Variants in DYM observed in about 807,000 individuals in gnomAD.
The protein encoded by DYM is dymeclin.
DYM carries 78 observed loss-of-function variants against 93.1 expected under a neutral mutation model. The observed-to-expected ratio is 0.84, with a 90% CI of 0.70 to 1.01. The LOEUF (loss-of-function observed/expected upper bound fraction) is 1.01, where lower values mean the gene tolerates loss of function less well. Ranked by LOEUF, DYM falls within the 50% of genes least tolerant of loss-of-function variation. The pLI is 0.00. For synonymous variants in DYM, 321 were observed against 319.7 expected (o/e 1.00, Z -0.04); for missense variants, 789 against 845.0 (o/e 0.93, Z 0.82).
intron 17 of DYM, among the ~76,000 whole-genome samples, chr18:49,080,632 C>CG (rs1486462614): frequency 7.1e-6 from 1 of 140,774 alleles, no homozygotes. Flanking sequence ...GCTGGCCGGG[C>CG]GGGGGGCTGA....
rs780336634 is a variant in DYM at position 49,044,060 on chromosome 18, C to A, written c.2170G>T (p.Asp724Tyr). The A allele has an allele frequency of 9.3e-6, 15 of 1,613,116 alleles. No homozygotes were observed. The East Asian group carries it at 2.9e-4, about 31-fold the overall frequency. Residue 724 changes from aspartate to tyrosine, a missense_variant, in exon 18 of 18, where the codon GAC becomes TAC. Asp to Tyr is a radical substitution (Grantham distance 160). Transcript: ENST00000675505. ...GGTGGGAGAGCATCCTGCCCTCAGT[C>A]GGAATCCATGGTGAACAGCTGGATG... ...QDIQLFTMDSD is the reference protein window; with the variant it reads ...QDIQLFTMDSY
chr18:49,361,932 G>C (rs1211447361), intron 6 of DYM, among the ~76,000 whole-genome samples: 1 of 151,942 alleles, frequency 6.6e-6, no homozygotes, highest in African/African-American at 2.4e-5. Flanking sequence ...CACCATGTTG[G>C]CCAGGCTGGT....
chr18:49,075,253 C>G (rs144670133), intron 17 of DYM, among the ~76,000 whole-genome samples: 1 of 152,174 alleles, frequency 6.6e-6, no homozygotes, highest in Non-Finnish European at 1.5e-5. Context: ...TTCTGTCCAT[C>G]AACATGAGTC....
intron 14 of DYM, among the ~76,000 whole-genome samples, chr18:49,182,570 T>TTGCC: frequency 6.6e-6 from 1 of 152,232 alleles, no homozygotes; most frequent in East Asian, 1.9e-4. Flanking sequence ...TGAAGTCACT[T>TTGCC]TGCCTGATAA....
At chr18:49,256,493 GCT>G (rs1395544954) in intron 13 of DYM, among the ~76,000 whole-genome samples, 2 of 152,204 alleles carry the variant, frequency 1.3e-5, no homozygotes, top group Non-Finnish European at 2.9e-5. Context: ...CAGAAATGCA[GCT>G]CTGTTTCAAT....
intron 17 of DYM, among the ~76,000 whole-genome samples, chr18:49,059,842 G>A (rs1281843342): frequency 6.6e-6 from 1 of 152,132 alleles, no homozygotes; most frequent in Admixed American, 6.5e-5. Context: ...ACTCATTTAA[G>A]CTACCCCAAC....
chr18:49,061,656 G>A (rs2075992278), intron 17 of DYM, among the ~76,000 whole-genome samples: 1 of 152,182 alleles, frequency 6.6e-6, no homozygotes, highest in Non-Finnish European at 1.5e-5. Context: ...TAGGCGATGG[G>A]GGCTGAGGGC....
chr18:49,274,553 G>A (rs2094800592), intron 10 of DYM, among the ~76,000 whole-genome samples: 1 of 152,044 alleles, frequency 6.6e-6, no homozygotes, highest in Admixed American at 6.6e-5. Flanking sequence ...CATTGTTTCA[G>A]GAACTACCAG....
Position 49,144,604 on chromosome 18 carries a change from T to C in DYM, c.1728+19081A>G, listed in dbSNP as rs1183357738. Reference sequence around the variant, plus strand: ...TTAGTAGAAATCTGGTTGTTACAGATGCTCAAAGCTGTTATTGGGTTGGTC... The same window carrying C: ...TTAGTAGAAATCTGGTTGTTACAGACGCTCAAAGCTGTTATTGGGTTGGTC... On this transcript the variant is annotated intron_variant, in intron 15 of 17. Transcript: ENST00000675505. Among the ~76,000 whole-genome samples, 4 of 152,322 alleles carry C rather than the reference T, an allele frequency of 2.6e-5. No individual in the cohort carries two copies. The East Asian group carries it at 7.7e-4, about 29-fold the overall frequency.
rs769423170 is a variant in DYM at position 49,292,355 on chromosome 18, G to GACAGAC, written c.764-5740_764-5739insGTCTGT. ...AGGCAGGCAGACAGACAGACAGACA[G>GACAGAC]ACACACACACACACACACACACACA... On this transcript the variant is annotated intron_variant, in intron 8 of 17. Coordinates refer to ENST00000675505, the MANE Select transcript of DYM (RefSeq NM_001353214.3). Among the ~76,000 whole-genome samples, 112 of 84,740 alleles carry GACAGAC rather than the reference G, an allele frequency of 1.3e-3. 1 individual carries two copies. In the East Asian group the frequency reaches 0.017, roughly 13 times the overall value. 55.6% of individuals were successfully genotyped at this position (84,740 alleles called of 152,430 possible).
chr18:49,153,633 A>G (rs1256547441), intron 15 of DYM, among the ~76,000 whole-genome samples: 1 of 152,260 alleles, frequency 6.6e-6, no homozygotes, highest in Non-Finnish European at 1.5e-5. Flanking sequence ...AGTATTGGTT[A>G]TAACACACAG....
At chr18:49,145,092 C>T (rs2084937023) in intron 15 of DYM, among the ~76,000 whole-genome samples, 1 of 42,726 alleles carries the variant, frequency 2.3e-5, no homozygotes, top group African/African-American at 7.4e-5. Context: ...GTGCAAGATC[C>T]CGTCTCAAAA....
chr18:49,275,150 T>C (rs1213558912), intron 10 of DYM, among the ~76,000 whole-genome samples: 1 of 152,108 alleles, frequency 6.6e-6, no homozygotes, highest in African/African-American at 2.4e-5. Context: ...ACTTTGTATA[T>C]GGGGTGAAGC....
At chr18:49,163,027 A>G (rs2087370456) in intron 15 of DYM, among the ~76,000 whole-genome samples, 3 of 152,240 alleles carry the variant, frequency 2.0e-5, no homozygotes. Context: ...ATCCAGGTGT[A>G]CTTGCTCCCC....
chr18:49,291,089 T>C (rs995561301), intron 8 of DYM, among the ~76,000 whole-genome samples: 3 of 152,144 alleles, frequency 2.0e-5, no homozygotes, highest in Non-Finnish European at 2.9e-5. Context: ...TGGCAATAGA[T>C]GTGATATTTA....
At chr18:49,281,770 A>T (rs1441541350) in intron 10 of DYM, among the ~76,000 whole-genome samples, 2 of 152,178 alleles carry the variant, frequency 1.3e-5, no homozygotes, top group Non-Finnish European at 1.5e-5. Flanking sequence ...ACATGGACAC[A>T]GGAAGGGGAA....
chr18:49,361,917 G>T (rs1464897888), intron 6 of DYM, among the ~76,000 whole-genome samples: 1 of 152,106 alleles, frequency 6.6e-6, no homozygotes, highest in South Asian at 2.1e-4. Context: ...GTAGAAACGG[G>T]GTTTCACCAT....
At chr18:49,109,072 C>A (rs965744365) in intron 16 of DYM, among the ~76,000 whole-genome samples, 2 of 151,578 alleles carry the variant, frequency 1.3e-5, no homozygotes, top group Non-Finnish European at 2.9e-5. Flanking sequence ...GTTATTTTAT[C>A]CTTTTGCTTT....
intron 17 of DYM, among the ~76,000 whole-genome samples, chr18:49,078,953 C>T (rs927822969): frequency 6.6e-6 from 1 of 152,072 alleles, no homozygotes; most frequent in Admixed American, 6.5e-5. Context: ...GAGTTGTTCC[C>T]GCATAAGGGA....
Sources: gnomAD v4.1 joint callset for allele counts (sites outside exome capture counted in the v4.1 genomes callset) on GRCh38, gnomAD v4.1.1 for gene constraint, MANE v1.5 for transcripts, NCBI Gene and HGNC (gene_info 2026-07-23, HGNC 2026-07-21) for gene names.